Variants in ATP2A2 observed in about 807,000 individuals in gnomAD.
The protein encoded by ATP2A2 is sarcoplasmic/endoplasmic reticulum calcium ATPase 2.
In ATP2A2, 14 loss-of-function variants were observed where a neutral mutation model predicts 109.3. The ratio of observed to expected loss-of-function variants is 0.13; its 90% confidence interval spans 0.08 to 0.20. The LOEUF (loss-of-function observed/expected upper bound fraction) is 0.20, where lower values mean the gene tolerates loss of function less well. Among genes scored for constraint, ATP2A2 ranks in the 10% least tolerant of loss-of-function variants. ATP2A2 has a pLI of 1.00. For missense variants in ATP2A2, 657 were observed against 1,321.6 expected, an observed-to-expected ratio of 0.50 and a Z score of 7.80; for synonymous variants, 506 against 490.9, an observed-to-expected ratio of 1.03 and a Z score of -0.41.
intron 4 of ATP2A2, among the ~76,000 whole-genome samples, chr12:110,294,034 GC>G (rs1324515091): frequency 2.6e-5 from 4 of 151,252 alleles, no homozygotes; most frequent in Non-Finnish European, 5.9e-5. Context: ...CTGTCACCAT[GC>G]CTGGCTGTTG....
At chr12:110,298,602 G>A (rs1874218506) in intron 5 of ATP2A2, among the ~76,000 whole-genome samples, 1 of 152,064 alleles carries the variant, frequency 6.6e-6, no homozygotes, top group Non-Finnish European at 1.5e-5. Flanking sequence ...CCTGTAGTCC[G>A]AGCTCCTCGG....
intron 5 of ATP2A2, among the ~76,000 whole-genome samples, chr12:110,313,248 G>T (rs1364887208): frequency 1.3e-5 from 2 of 150,972 alleles, no homozygotes; most frequent in African/African-American, 4.9e-5. Flanking sequence ...TTTCATTCTT[G>T]CTACTGAGAT....
intron 5 of ATP2A2, among the ~76,000 whole-genome samples, chr12:110,318,121 C>T (rs1274685452): frequency 6.6e-6 from 1 of 152,200 alleles, no homozygotes; most frequent in Non-Finnish European, 1.5e-5. Flanking sequence ...TCGGAACAGC[C>T]TAGCCTGCTC....
At chr12:110,337,427 C>T (rs921170648) in intron 11 of ATP2A2, among the ~76,000 whole-genome samples, 13 of 152,228 alleles carry the variant, frequency 8.5e-5, no homozygotes, top group African/African-American at 1.9e-4. Context: ...TTCCTTTAGT[C>T]ATCCCAGTGC....
chr12:110,293,335 T>A (rs1873530160), intron 4 of ATP2A2, among the ~76,000 whole-genome samples: 1 of 150,424 alleles, frequency 6.6e-6, no homozygotes, highest in African/African-American at 2.4e-5. Context: ...CCCAAAGTGC[T>A]GGGATTACAG....
At chr12:110,318,922 C>T (rs1264402071) in intron 5 of ATP2A2, among the ~76,000 whole-genome samples, 1 of 152,098 alleles carries the variant, frequency 6.6e-6, no homozygotes, top group African/African-American at 2.4e-5. Context: ...AGTTGGTGTG[C>T]CTGATAGATG....
chr12:110,296,859 G>A (rs1157154707), intron 5 of ATP2A2, 122 bp downstream of exon 5: 1 of 1,145,970 alleles, frequency 8.7e-7, no homozygotes. Flanking sequence ...ACATTTTATT[G>A]CCATTCATAC....
chr12:110,333,986 A>G (rs1227443426), intron 10 of ATP2A2, 26 bp from the exon 11 acceptor site: 1 of 1,612,522 alleles, frequency 6.2e-7, no homozygotes, highest in Non-Finnish European at 8.5e-7. Context: ...CCTTTTTTCT[A>G]CTTTCTGTGC....
chr12:110,339,811 C>A lies in ATP2A2; in HGVS notation c.1761+90C>A. The A allele has an allele frequency of 7.2e-7, 1 of 1,391,962 alleles. No individual in the cohort carries two copies. 86.2% of individuals were successfully genotyped at this position (1,391,962 alleles called of 1,614,324 possible). A position where few individuals can be genotyped will look rare whatever the true frequency, so the allele number is the denominator to read the frequency against. On this transcript the variant is annotated intron_variant, in intron 13 of 19. Transcript: ENST00000539276. The surrounding 1 kb of genome is among the most constrained non-coding windows in gnomAD (Gnocchi z 4.4). ...TTCAAGCAAAAGGTCAAACAGTTCTCACTTTTGCCAAGAAAGAGGTGTGGT... is the reference window on the plus strand; with the variant it reads ...TTCAAGCAAAAGGTCAAACAGTTCTAACTTTTGCCAAGAAAGAGGTGTGGT...
chr12:110,347,596 A>G lies in ATP2A2; in HGVS notation c.*1126A>G. On this transcript the variant is annotated 3_prime_UTR_variant, in exon 20 of 20. Coordinates refer to ENST00000539276, the MANE Select transcript of ATP2A2 (RefSeq NM_170665.4). ...TGTGTGTATGTGTGTGTTTTGTAAA[A>G]TCTGTAAATAGCACATGACCAAATG... is the stretch of plus-strand genomic sequence containing the variant. 1 of 1,234,050 alleles carries G rather than the reference A, an allele frequency of 8.1e-7. No homozygotes were observed. Among genetic ancestry groups the G allele is most frequent in the South Asian group, 1.4e-5 (1 of 72,558 alleles). 76.4% of individuals were successfully genotyped at this position (1,234,050 alleles called of 1,614,324 possible).
chr12:110,308,912 C>T (rs993428538), intron 5 of ATP2A2, among the ~76,000 whole-genome samples: 6 of 151,908 alleles, frequency 3.9e-5, no homozygotes, highest in African/African-American at 1.5e-4. Flanking sequence ...TAAACTAATT[C>T]GAAGCTGAAA....
rs1879897094 is a variant in ATP2A2 at position 110,346,688 on chromosome 12, T to TAACA, written c.*219_*222dup. ...GTGTCCATTGACATGTACAGAGAAC[T>TAACA]AACACTATTTTATGCAAATATTTTT... On this transcript the variant is annotated 3_prime_UTR_variant, in exon 20 of 20. Transcript: ENST00000539276. The TAACA allele has an allele frequency of 1.4e-6, 2 of 1,415,686 alleles. No individual in the cohort carries two copies. Among genetic ancestry groups the TAACA allele is most frequent in the Non-Finnish European group, 1.8e-6 (2 of 1,090,096 alleles). 87.7% of individuals were successfully genotyped at this position (1,415,686 alleles called of 1,614,324 possible).
chr12:110,306,806 C>T (rs1875390346), intron 5 of ATP2A2, among the ~76,000 whole-genome samples: 1 of 152,050 alleles, frequency 6.6e-6, no homozygotes, highest in African/African-American at 2.4e-5. Context: ...TGGCTCAGTG[C>T]AACCTCCACC....
intron 5 of ATP2A2, among the ~76,000 whole-genome samples, chr12:110,308,298 G>A (rs540782431): frequency 1.3e-5 from 2 of 152,282 alleles, no homozygotes; most frequent in South Asian, 2.1e-4. Flanking sequence ...CTTACTGATC[G>A]TAGGGGAAAG....
chr12:110,293,702 A>G (rs1178347461), intron 4 of ATP2A2, among the ~76,000 whole-genome samples: 1 of 151,514 alleles, frequency 6.6e-6, no homozygotes, highest in Non-Finnish European at 1.5e-5. Flanking sequence ...GACACATCTT[A>G]TAAACATACT....
chr12:110,293,872 T>TG (rs1566204070), intron 4 of ATP2A2, among the ~76,000 whole-genome samples: 1 of 80,710 alleles, frequency 1.2e-5, no homozygotes, highest in African/African-American at 5.7e-5. Context: ...GTGTATATAT[T>TG]TTTTTTTTTT....
intron 6 of ATP2A2, among the ~76,000 whole-genome samples, chr12:110,325,641 AAGT>A (rs1194321597): frequency 2.6e-5 from 4 of 151,982 alleles, no homozygotes; most frequent in South Asian, 2.1e-4. Flanking sequence ...AAAAAAAAAA[AAGT>A]AGTTCTTTAT....
At chr12:110,323,173 C>A (rs1877419094) in intron 6 of ATP2A2, 101 bp downstream of exon 6, 2 of 895,922 alleles carry the variant, frequency 2.2e-6, no homozygotes, top group Non-Finnish European at 3.7e-6. Flanking sequence ...GGTATCCCAT[C>A]TTAATCCTCT....
intron 10 of ATP2A2, 51 bp from the exon 11 acceptor site, chr12:110,333,961 A>C: frequency 2.5e-6 from 4 of 1,611,892 alleles, no homozygotes; most frequent in Non-Finnish European, 3.4e-6. Context: ...AGATAAATTT[A>C]TCTGTGTACT....
Sources: gnomAD v4.1 joint callset for allele counts (sites outside exome capture counted in the v4.1 genomes callset) on GRCh38, gnomAD v4.1.1 for gene constraint, Gnocchi (gnomAD v3.1) non-coding constraint, MANE v1.5 for transcripts, NCBI Gene and HGNC (gene_info 2026-07-23, HGNC 2026-07-21) for gene names.